ENTREP3: variants seen among roughly 807,000 people sequenced by gnomAD.
ENTREP3 encodes endosomal transmembrane epsin interactor 3, also known as protein ENTREP3.
chr1:155,252,688 G>GTGTGTA, the ENTREP3 span: 87 of 47,180 alleles, frequency 1.8e-3, 3 homozygotes, highest in African/African-American at 0.011. Context: ...GTAATTTTGT[G>GTGTGTA]TGTATATATA....
At chr1:155,250,971 G>A in the ENTREP3 span, 5 of 1,228,986 alleles carry the variant, frequency 4.1e-6, no homozygotes, top group African/African-American at 7.6e-5. The surrounding 1 kb of genome is among the most constrained non-coding windows in gnomAD (Gnocchi z 5.4). Flanking sequence ...GTTCCAAGTT[G>A]CCACAGCCCT....
At chr1:155,251,189 T>C in the ENTREP3 span, 1 of 1,569,514 alleles carries the variant, frequency 6.4e-7, no homozygotes, top group Non-Finnish European at 8.7e-7. Flanking sequence ...GGGTCAAGGG[T>C]TCAGCCCTAC....
the ENTREP3 span, chr1:155,253,249 T>C: frequency 1.6e-5 from 3 of 185,484 alleles, no homozygotes; most frequent in Middle Eastern, 2.0e-3. Flanking sequence ...TTCGCCATGT[T>C]GGCCAGGTGG....
the ENTREP3 span, chr1:155,250,996 C>A: frequency 7.5e-7 from 1 of 1,328,450 alleles, no homozygotes; most frequent in East Asian, 2.4e-5. The surrounding 1 kb of genome is among the most constrained non-coding windows in gnomAD (Gnocchi z 5.4). Context: ...TGTCCCCAAA[C>A]CACCAACTCC....
At chr1:155,250,737 A>G in the ENTREP3 span, 6 of 1,613,020 alleles carry the variant, frequency 3.7e-6, no homozygotes, top group South Asian at 3.3e-5. This position sits in a 1 kb window ranked among gnomAD's most constrained non-coding sequence, Gnocchi z 5.4. Context: ...CTGCAGCTCC[A>G]GCAGGCACGA....
chr1:155,255,083 C>G, the ENTREP3 span: 2 of 598,118 alleles, frequency 3.3e-6, no homozygotes, highest in East Asian at 5.5e-5. The surrounding 1 kb of genome is among the most constrained non-coding windows in gnomAD (Gnocchi z 5.6). Flanking sequence ...GCGGAGTGCT[C>G]CCTCCCCACC....
At chr1:155,254,130 G>C in the ENTREP3 span, 1 of 1,613,948 alleles carries the variant, frequency 6.2e-7, no homozygotes, top group African/African-American at 1.3e-5. This position sits in a 1 kb window ranked among gnomAD's most constrained non-coding sequence, Gnocchi z 4.4. Context: ...ATTCTTACAG[G>C]AGAGAACAGA....
the ENTREP3 span, chr1:155,248,535 C>A: frequency 6.8e-7 from 1 of 1,462,484 alleles, no homozygotes. Context: ...ACACGCCCAC[C>A]CTCCTGTGGG....
the ENTREP3 span, chr1:155,252,053 C>G: frequency 8.8e-6 from 5 of 569,258 alleles, no homozygotes; most frequent in East Asian, 1.7e-4. Flanking sequence ...CACCCAAAAT[C>G]AGCTCTCCTT....
At chr1:155,252,696 A>ATATG in the ENTREP3 span, 1 of 37,686 alleles carries the variant, frequency 2.7e-5, no homozygotes, top group Non-Finnish European at 4.7e-5. Context: ...GTGTGTATAT[A>ATATG]TATATATATA....
chr1:155,251,170 G>A, the ENTREP3 span: 1 of 1,598,570 alleles, frequency 6.3e-7, no homozygotes, highest in Non-Finnish European at 8.5e-7. Context: ...GTGGCCTGCA[G>A]AAGACACAGG....
At chr1:155,251,807 T>C in the ENTREP3 span, 1 of 1,581,832 alleles carries the variant, frequency 6.3e-7, no homozygotes, top group Non-Finnish European at 8.6e-7. Context: ...GCGGGACAAA[T>C]TCCTCCAGGT....
At chr1:155,253,986 G>A in the ENTREP3 span, 6 of 1,612,712 alleles carry the variant, frequency 3.7e-6, no homozygotes, top group Non-Finnish European at 5.1e-6. Flanking sequence ...TTCCTGAGTG[G>A]AGCAGGGAGG....
chr1:155,250,273 C>A, the ENTREP3 span: 1 of 1,546,444 alleles, frequency 6.5e-7, no homozygotes, highest in Non-Finnish European at 8.7e-7. The surrounding 1 kb of genome is among the most constrained non-coding windows in gnomAD (Gnocchi z 5.4). Context: ...GGAGGGGGCT[C>A]ACCAGTGTCA....
chr1:155,251,141 A>T, the ENTREP3 span: 48 of 1,611,762 alleles, frequency 3.0e-5, no homozygotes, highest in Non-Finnish European at 3.7e-5. Flanking sequence ...AGCCATCGTG[A>T]AGCTGAGGGT....
At chr1:155,251,427 G>A in the ENTREP3 span, 1 of 1,066,988 alleles carries the variant, frequency 9.4e-7, no homozygotes. Context: ...TCTTTATCCA[G>A]AGGCTACAGC....
the ENTREP3 span, chr1:155,252,707 TATATATA>T: frequency 3.7e-5 from 2 of 54,146 alleles, no homozygotes; most frequent in African/African-American, 9.7e-5. Flanking sequence ...TATATATATA[TATATATA>T]TATATATATT....
chr1:155,251,972 A>C, the ENTREP3 span: 1 of 1,124,586 alleles, frequency 8.9e-7, no homozygotes. Flanking sequence ...GGGCCCCCAA[A>C]CTCCTCTCTC....
At chr1:155,249,129 C>T in the ENTREP3 span, among the ~76,000 whole-genome samples, 1 of 151,822 alleles carries the variant, frequency 6.6e-6, no homozygotes, top group Non-Finnish European at 1.5e-5. Context: ...TCTCTGTCAC[C>T]CAGGCTGGAG....
Sources: allele counts gnomAD v4.1 joint callset (sites outside exome capture counted in the v4.1 genomes callset), GRCh38; gene constraint gnomAD v4.1.1; non-coding constraint Gnocchi (gnomAD v3.1); transcripts MANE v1.5; gene names NCBI Gene and HGNC (gene_info 2026-07-23, HGNC 2026-07-21).